Variants in PHC3 observed in about 807,000 individuals in gnomAD.
PHC3 encodes the protein polyhomeotic homolog 3.
PHC3 carries 13 observed loss-of-function variants against 107.4 expected under a neutral mutation model. That is an observed-to-expected ratio of 0.12 (90% CI 0.08 to 0.19). The LOEUF (loss-of-function observed/expected upper bound fraction) is 0.19, where lower values mean the gene tolerates loss of function less well. Among genes scored for constraint, PHC3 ranks in the 10% least tolerant of loss-of-function variants. PHC3 has a pLI of 1.00. For synonymous variants in PHC3, 456 were observed against 427.4 expected, an observed-to-expected ratio of 1.07 and a Z score of -0.83; for missense variants, 992 against 1,210.9, an observed-to-expected ratio of 0.82 and a Z score of 2.68.
chr3:170,124,897 G>C (rs908077442), intron 8 of PHC3, among the ~76,000 whole-genome samples: 21 of 151,974 alleles, frequency 1.4e-4, no homozygotes, highest in African/African-American at 4.8e-4. Flanking sequence ...GGTAACAATA[G>C]GTGACAATCA....
chr3:170,138,455 G>A (rs1723487696), intron 6 of PHC3, among the ~76,000 whole-genome samples: 1 of 152,130 alleles, frequency 6.6e-6, no homozygotes, highest in South Asian at 2.1e-4. Context: ...ACTTTGGGAG[G>A]CTGAGGCAGG....
chr3:170,133,902 C>T (rs1314776572), intron 7 of PHC3, among the ~76,000 whole-genome samples: 2 of 152,038 alleles, frequency 1.3e-5, no homozygotes, highest in Admixed American at 6.5e-5. Flanking sequence ...AAAGAGTTCC[C>T]GGCTTTCTCT....
At chr3:170,108,376 G>C (rs1716982367) in intron 11 of PHC3, among the ~76,000 whole-genome samples, 1 of 152,106 alleles carries the variant, frequency 6.6e-6, no homozygotes, top group Non-Finnish European at 1.5e-5. Flanking sequence ...GCTAAATTAA[G>C]TGAAGTAGCA....
intron 11 of PHC3, among the ~76,000 whole-genome samples, chr3:170,107,899 C>A (rs568502984): frequency 6.6e-6 from 1 of 152,160 alleles, no homozygotes; most frequent in African/African-American, 2.4e-5. Flanking sequence ...TCTTCATGAC[C>A]CACAATTTTC....
intron 4 of PHC3, among the ~76,000 whole-genome samples, chr3:170,163,968 G>C (rs1728330965): frequency 6.6e-6 from 1 of 151,782 alleles, no homozygotes; most frequent in Non-Finnish European, 1.5e-5. Context: ...GGGAGGCCAA[G>C]GCAGGAGGAC....
chr3:170,101,430 AT>A (rs1715456107), intron 14 of PHC3, among the ~76,000 whole-genome samples: 1 of 152,182 alleles, frequency 6.6e-6, no homozygotes, highest in Non-Finnish European at 1.5e-5. Flanking sequence ...TTTAGTTGCC[AT>A]CAGAGAAAGA....
chr3:170,171,476 T>C (rs368222561), intron 3 of PHC3, 26 bp from the exon 4 acceptor site: 9 of 1,514,396 alleles, frequency 5.9e-6, no homozygotes, highest in African/African-American at 5.6e-5. Context: ...TTTTAGAATA[T>C]GTCGGTAAAA....
chr3:170,105,515 T>C (rs1481932760), intron 12 of PHC3, among the ~76,000 whole-genome samples: 3 of 152,186 alleles, frequency 2.0e-5, no homozygotes, highest in African/African-American at 7.2e-5. Context: ...GTTAAGGTTA[T>C]TTATTTTTTA....
In PHC3 at chr3:170,088,855, A is replaced by G. The variant is rs1713769087; in HGVS notation, c.*8375T>C. ...GATTCTAACCCAACAGTTTATATGGATATTTTCCTGCTTTAAAAAGCTGCA... is the reference window on the plus strand; with the variant it reads ...GATTCTAACCCAACAGTTTATATGGGTATTTTCCTGCTTTAAAAAGCTGCA... On this transcript the variant is annotated 3_prime_UTR_variant, in exon 15 of 15. Coordinates refer to ENST00000495893, the MANE Select transcript of PHC3 (RefSeq NM_024947.4). 6.6e-6 allele frequency: 1 copy of G among 152,344 alleles called. No individual in the cohort carries two copies. Among genetic ancestry groups the G allele is most frequent in the African/African-American group, 2.4e-5 (1 of 41,454 alleles). The allele number at this position is 152,344 out of a possible 1,614,324, so 9.4% of individuals were successfully genotyped here. A position where few individuals can be genotyped will look rare whatever the true frequency, so the allele number is the denominator to read the frequency against.
intron 1 of PHC3, among the ~76,000 whole-genome samples, chr3:170,179,431 TA>T (rs1731039266): frequency 6.6e-6 from 1 of 152,206 alleles, no homozygotes; most frequent in Admixed American, 6.5e-5. Flanking sequence ...AAACTTTGCT[TA>T]AAAATAAGTT....
chr3:170,117,973 A>C (rs908605444), intron 9 of PHC3, among the ~76,000 whole-genome samples: 1 of 152,206 alleles, frequency 6.6e-6, no homozygotes, highest in African/African-American at 2.4e-5. Flanking sequence ...AGACTGTGCC[A>C]CTGCACTCCA....
intron 2 of PHC3, among the ~76,000 whole-genome samples, chr3:170,176,419 C>G (rs1354948956): frequency 6.6e-6 from 1 of 152,024 alleles, no homozygotes; most frequent in Admixed American, 6.6e-5. Context: ...ACTGGGGTAT[C>G]CACCATGGAA....
At chr3:170,171,346 C>T (rs577738661) in intron 4 of PHC3, 27 bp downstream of exon 4, 31 of 1,508,048 alleles carry the variant, frequency 2.1e-5, no homozygotes, top group Admixed American at 1.7e-4. Context: ...ATTTTAAATC[C>T]AGGAAAAAAA....
chr3:170,177,649 G>A (rs1470460577), intron 2 of PHC3, among the ~76,000 whole-genome samples: 1 of 150,466 alleles, frequency 6.6e-6, no homozygotes, highest in Non-Finnish European at 1.5e-5. Context: ...TTAGAAGTGT[G>A]AGCCACCACG....
chr3:170,111,378 AAGAG>A (rs577839739), intron 11 of PHC3, among the ~76,000 whole-genome samples: 9 of 149,958 alleles, frequency 6.0e-5, no homozygotes, highest in East Asian at 2.0e-4. Flanking sequence ...AAAAGAAAGA[AAGAG>A]AGAGAAAGAA....
chr3:170,128,622 T>TG (rs1721735699), intron 8 of PHC3, 62 bp downstream of exon 8: 3 of 1,531,058 alleles, frequency 2.0e-6, no homozygotes, highest in Non-Finnish European at 2.6e-6. Flanking sequence ...AAACATAGTG[T>TG]GGGAAAAAAT....
chr3:170,111,691 A>G (rs1370321100), intron 11 of PHC3, among the ~76,000 whole-genome samples: 1 of 152,238 alleles, frequency 6.6e-6, no homozygotes, highest in East Asian at 1.9e-4. Context: ...CAAATTTTAA[A>G]CTAATATACT....
chr3:170,147,762 C>T (rs1725234814), intron 5 of PHC3: 1 of 152,100 alleles, frequency 6.6e-6, no homozygotes. Context: ...CACCAAGGGA[C>T]AAATGGTATA....
chr3:170,138,886 A>T (rs142761700), intron 6 of PHC3, among the ~76,000 whole-genome samples: 2 of 151,688 alleles, frequency 1.3e-5, no homozygotes, highest in Non-Finnish European at 2.9e-5. Context: ...CACTTCCTTC[A>T]TTTGGAGCTC....
Sources: allele counts gnomAD v4.1 joint callset (sites outside exome capture counted in the v4.1 genomes callset), GRCh38; gene constraint gnomAD v4.1.1; transcripts MANE v1.5; gene names NCBI Gene and HGNC (gene_info 2026-07-23, HGNC 2026-07-21).